Variants in GAREM1 observed in about 807,000 individuals in gnomAD.
GAREM1 encodes GRB2 associated regulator of MAPK1 subtype 1.
In GAREM1, 26 loss-of-function variants were observed where a neutral mutation model predicts 71.3. The ratio of observed to expected loss-of-function variants is 0.36; its 90% CI spans 0.27 to 0.51. The LOEUF is 0.51. Ranked by LOEUF, GAREM1 falls within the 20% of genes least tolerant of loss-of-function variation. The pLI is 0.95. For missense variants in GAREM1, 1,026 were observed against 1,103.1 expected, an observed-to-expected ratio of 0.93 and a Z score of 0.99; for synonymous variants, 440 against 433.2, an observed-to-expected ratio of 1.02 and a Z score of -0.20.
intron 4 of GAREM1, among the ~76,000 whole-genome samples, chr18:32,272,124 G>A (rs1191475452): frequency 6.6e-6 from 1 of 152,162 alleles, no homozygotes; most frequent in African/African-American, 2.4e-5. Flanking sequence ...TATTGAGTTT[G>A]CTTAAGCGGA....
chr18:32,287,496 G>A lies in GAREM1; in HGVS notation c.1101C>T (p.His367=), dbSNP rs752953451. 1.9e-5 allele frequency: 31 copies of A among 1,614,112 alleles called. No individual in the cohort carries two copies. Among genetic ancestry groups the A allele is most frequent in the African/African-American group, 5.3e-5 (4 of 74,946 alleles). Residue 367 remains histidine, a synonymous_variant, in exon 4 of 6, where the codon CAC becomes CAT. Coordinates refer to ENST00000269209, the MANE Select transcript of GAREM1 (RefSeq NM_001242409.2). This position sits in a 1 kb window ranked among gnomAD's most constrained non-coding sequence, Gnocchi z 5.9. The stretch of plus-strand genomic sequence containing the variant: ...GGGCGTAGCTGAGCGAATTGGGCAC[G>A]TGGTTGTGGCCAGAGCACCGACCCT... ...PKKGRCSGHN[H]VPNSLSYARD...
chr18:32,288,072 G>A lies in GAREM1; in HGVS notation c.525C>T (p.Asn175=), dbSNP rs1362873996. The A allele has an allele frequency of 8.1e-6, 13 of 1,614,162 alleles. No individual in the cohort carries two copies. Among genetic ancestry groups the A allele is most frequent in the Middle Eastern group, 1.6e-4 (1 of 6,062 alleles). Residue 175 remains asparagine, a synonymous_variant, in exon 4 of 6, where the codon AAC becomes AAT. Coordinates refer to ENST00000269209, the MANE Select transcript of GAREM1 (RefSeq NM_001242409.2). Reference sequence around the variant, plus strand: ...GCTTCCCAATCTTTTTGAAGATTGTGTTGAGTCGTGACTTTTCCTTGAATG... The same window carrying A: ...GCTTCCCAATCTTTTTGAAGATTGTATTGAGTCGTGACTTTTCCTTGAATG... ...AKTFKEKSRL[N]TIFKKIGKLN... is the part of the protein sequence containing the mutation.
chr18:32,280,195 C>G (rs902492314), intron 4 of GAREM1, among the ~76,000 whole-genome samples: 4 of 152,088 alleles, frequency 2.6e-5, no homozygotes, highest in African/African-American at 9.7e-5. Flanking sequence ...TAATATTTTA[C>G]AGAGAGAAAA....
rs1436330332 is a variant in GAREM1, at chr18:32,267,882, G to C, written c.2620C>G (p.Pro874Ala). 1 of 1,609,550 alleles carries C rather than the reference G, an allele frequency of 6.2e-7. No individual in the cohort carries two copies. Among genetic ancestry groups the C allele is most frequent in the South Asian group, 1.1e-5 (1 of 90,730 alleles). The change falls in exon 6 of 6, where the codon CCC becomes GCC. Residue 874 changes from proline (P) to alanine (A), a missense_variant. Pro to Ala is a conservative substitution (Grantham distance 27, BLOSUM62 -1). Transcript: ENST00000269209. Reference sequence around the variant, plus strand: ...CGGGGGTTATTTGGCTATATTTTGGGCCTCCAGCCATTAATGAATTGCATT... The same window carrying C: ...CGGGGGTTATTTGGCTATATTTTGGCCCTCCAGCCATTAATGAATTGCATT... ...KIMQFINGWR[P>A]KI
chr18:32,457,872 C>T (rs1203969616), intron 1 of GAREM1, among the ~76,000 whole-genome samples: 5 of 151,958 alleles, frequency 3.3e-5, no homozygotes, highest in Non-Finnish European at 7.4e-5. Context: ...CCCATCAACC[C>T]CTGGATCTAT....
At chr18:32,451,448 C>T (rs1388878061) in intron 1 of GAREM1, among the ~76,000 whole-genome samples, 1 of 152,180 alleles carries the variant, frequency 6.6e-6, no homozygotes, top group Non-Finnish European at 1.5e-5. Flanking sequence ...CACTCACCTG[C>T]AACCTGCTTC....
At position 32,469,275 on chromosome 18, in the gene GAREM1, G is replaced by A. The variant is rs78364361; in HGVS notation, c.121+1033C>T. On this transcript the variant is annotated intron_variant, in intron 1 of 5. Coordinates refer to ENST00000269209, the MANE Select transcript of GAREM1 (RefSeq NM_001242409.2). ...GGAGTAACCCTAGTGCCTGTGACTC[G>A]AAATGACATCTTTCTGCTTAGTGTT... 6.3e-3 allele frequency among the ~76,000 whole-genome samples: 955 copies of A among 152,198 alleles called. 11 individuals carry two copies. The highest frequency in any genetic ancestry group is 0.022 in the African/African-American group (911 of 41,516).
rs2041355437 is a variant in GAREM1 at position 32,265,131 on chromosome 18, C to G, written c.*2740G>C. On this transcript the variant is annotated 3_prime_UTR_variant, in exon 6 of 6. Transcript: ENST00000269209. ...TGATTCTCTTGGAGCTATGAATGCT[C>G]TGTCCAGTCAGGACACCAAGGTCCT... 6.6e-6 allele frequency: 1 copy of G among 152,226 alleles called. No homozygotes were observed. The highest frequency in any genetic ancestry group is 6.5e-5 in the Admixed American group (1 of 15,278). The allele number at this position is 152,226 out of a possible 1,614,324, so 9.4% of individuals were successfully genotyped here.
intron 2 of GAREM1, among the ~76,000 whole-genome samples, chr18:32,370,412 ACT>A (rs1266839436): frequency 6.9e-6 from 1 of 144,626 alleles, no homozygotes; most frequent in Non-Finnish European, 1.5e-5. Context: ...ACAGAGCAAA[ACT>A]CTGTTTCAAA....
At chr18:32,319,731 A>C (rs1262126999) in intron 2 of GAREM1, among the ~76,000 whole-genome samples, 1 of 152,204 alleles carries the variant, frequency 6.6e-6, no homozygotes, top group Non-Finnish European at 1.5e-5. Context: ...AGTCTCTTGT[A>C]CATCTGTCCA....
chr18:32,462,816 T>C (rs1347035531), intron 1 of GAREM1, among the ~76,000 whole-genome samples: 2 of 152,092 alleles, frequency 1.3e-5, no homozygotes, highest in Non-Finnish European at 2.9e-5. Flanking sequence ...AGTTCAGTAA[T>C]AGATGATAGA....
intron 2 of GAREM1, among the ~76,000 whole-genome samples, chr18:32,326,218 G>A (rs767341745): frequency 7.2e-5 from 11 of 152,172 alleles, no homozygotes; most frequent in Non-Finnish European, 1.3e-4. Context: ...TGGAGACTTC[G>A]GTTATGGGAA....
rs575563888 is a variant in GAREM1 at position 32,332,717 on chromosome 18, A to G, written c.263-22394T>C. Among the ~76,000 whole-genome samples, 8 of 152,240 alleles carry G rather than the reference A, an allele frequency of 5.3e-5. No homozygotes were observed. The South Asian group carries it at 1.7e-3, about 32-fold the overall frequency. On this transcript the variant is annotated intron_variant, in intron 2 of 5. Transcript: ENST00000269209. ...GTCTCCTACCACACCATCTGACGGG[A>G]CACTGTCGGGATTAAACGTAGTAAA...
Position 32,305,315 on chromosome 18 carries a change from C to T in GAREM1, c.393+4878G>A, listed in dbSNP as rs183721741. On this transcript the variant is annotated intron_variant, in intron 3 of 5. Coordinates refer to ENST00000269209, the MANE Select transcript of GAREM1 (RefSeq NM_001242409.2). ...CTGTTTCTACCACCCCAGCTGCTCA[C>T]TCAAATGGACATACTTAGATCAGAA... Among the ~76,000 whole-genome samples the T allele has an allele frequency of 1.8e-3, 273 of 152,240 alleles. 2 individuals carry two copies. Among genetic ancestry groups the T allele is most frequent in the African/African-American group, 6.5e-3 (269 of 41,542 alleles).
At chr18:32,285,901 C>T (rs2047010452) in intron 4 of GAREM1, among the ~76,000 whole-genome samples, 1 of 152,168 alleles carries the variant, frequency 6.6e-6, no homozygotes, top group Non-Finnish European at 1.5e-5. Flanking sequence ...TAAGATCACC[C>T]GGTAGGGGCA....
intron 2 of GAREM1, among the ~76,000 whole-genome samples, chr18:32,328,255 GTGAT>G (rs2047492638): frequency 6.6e-6 from 1 of 152,124 alleles, no homozygotes; most frequent in Admixed American, 6.5e-5. Flanking sequence ...TTTAAGATGA[GTGAT>G]TTAGGATGGC....
At chr18:32,461,380 C>A (rs977904280) in intron 1 of GAREM1, among the ~76,000 whole-genome samples, 3 of 152,062 alleles carry the variant, frequency 2.0e-5, no homozygotes, top group African/African-American at 7.2e-5. Flanking sequence ...GTAGGGGAGG[C>A]TTTTCATGTG....
At chr18:32,285,971 G>A (rs2047013017) in intron 4 of GAREM1, among the ~76,000 whole-genome samples, 1 of 152,128 alleles carries the variant, frequency 6.6e-6, no homozygotes, top group Admixed American at 6.5e-5. Context: ...TGGTCAGGTA[G>A]GTTTTGATTT....
intron 1 of GAREM1, among the ~76,000 whole-genome samples, chr18:32,442,305 C>T (rs899047079): frequency 2.0e-5 from 3 of 151,946 alleles, no homozygotes; most frequent in Non-Finnish European, 4.4e-5. Flanking sequence ...GCTAAGTACA[C>T]CAAAATAACC....
Sources: allele counts gnomAD v4.1 joint callset (sites outside exome capture counted in the v4.1 genomes callset), GRCh38; gene constraint gnomAD v4.1.1; non-coding constraint Gnocchi (gnomAD v3.1); transcripts MANE v1.5; gene names NCBI Gene and HGNC (gene_info 2026-07-23, HGNC 2026-07-21).